Variants in PTPRC observed in about 807,000 individuals in gnomAD.
PTPRC encodes the protein protein tyrosine phosphatase receptor type C, also known as receptor-type tyrosine-protein phosphatase C.
PTPRC carries 44 observed loss-of-function variants against 155.9 expected under a neutral mutation model. The observed-to-expected ratio is 0.28, with a 90% CI of 0.22 to 0.36. PTPRC has a LOEUF of 0.36. Ranked by LOEUF, PTPRC falls within the 10% of genes least tolerant of loss-of-function variation. PTPRC has a pLI of 1.00. For synonymous variants in PTPRC, 525 were observed against 533.1 expected, an observed-to-expected ratio of 0.98 and a Z score of 0.21; for missense variants, 1,401 against 1,564.6, an observed-to-expected ratio of 0.90 and a Z score of 1.76.
chr1:198,686,905 G>T (rs1665653975), intron 2 of PTPRC, among the ~76,000 whole-genome samples: 1 of 152,146 alleles, frequency 6.6e-6, no homozygotes, highest in African/African-American at 2.4e-5. Flanking sequence ...CATTTGTTTT[G>T]CATTGGACAA....
At chr1:198,663,002 G>A (rs1025651717) in intron 2 of PTPRC, among the ~76,000 whole-genome samples, 33 of 152,202 alleles carry the variant, frequency 2.2e-4, no homozygotes, top group Non-Finnish European at 4.4e-4. Flanking sequence ...CCTGGCCAGA[G>A]CAAGAGCTAC....
intron 12 of PTPRC, among the ~76,000 whole-genome samples, chr1:198,716,205 G>A (rs983716733): frequency 9.2e-5 from 14 of 152,236 alleles, no homozygotes; most frequent in South Asian, 6.2e-4. Context: ...AAATTACTAT[G>A]ATAGAATCAA....
intron 11 of PTPRC, among the ~76,000 whole-genome samples, chr1:198,710,310 A>G (rs554133025): frequency 6.6e-6 from 1 of 152,176 alleles, no homozygotes. Context: ...TTTATATGTC[A>G]TACTTACACT....
intron 2 of PTPRC, among the ~76,000 whole-genome samples, chr1:198,662,681 C>A (rs1193295451): frequency 1.3e-5 from 2 of 152,038 alleles, no homozygotes; most frequent in Non-Finnish European, 2.9e-5. Context: ...CTGGATACTC[C>A]TGCCTTTTTC....
At chr1:198,747,799 A>G (rs901944180) in intron 26 of PTPRC, among the ~76,000 whole-genome samples, 6 of 151,926 alleles carry the variant, frequency 3.9e-5, no homozygotes, top group Non-Finnish European at 8.8e-5. Flanking sequence ...ATATAGATCA[A>G]CATCGGTCTA....
chr1:198,715,464 C>A (rs1325230533), intron 12 of PTPRC, among the ~76,000 whole-genome samples: 1 of 151,926 alleles, frequency 6.6e-6, no homozygotes, highest in Non-Finnish European at 1.5e-5. Context: ...ATCTCGTTAA[C>A]TTAATGATGG....
Position 198,716,839 on chromosome 1 carries a change from T to G in PTPRC, c.1449T>G (p.Ala483=). ...AAMCHFTTKS[A]PPSQVWNMTV... ...TGTGTCATTTCACAACTAAAAGTGCTCGTAAGTTATATGTTTTAATGCTTC... is the reference window on the plus strand; with the variant it reads ...TGTGTCATTTCACAACTAAAAGTGCGCGTAAGTTATATGTTTTAATGCTTC... The change falls in exon 13 of 33, where the codon GCT becomes GCG. Residue 483 remains alanine (A), a splice_region_variant and synonymous_variant. Transcript: ENST00000442510. 3 of 1,613,444 alleles carry G rather than the reference T, an allele frequency of 1.9e-6. No homozygotes were observed. The highest frequency in any genetic ancestry group is 2.5e-6 in the Non-Finnish European group (3 of 1,179,826).
chr1:198,747,414 TGAG>T (rs1252765445), intron 26 of PTPRC, among the ~76,000 whole-genome samples: 1 of 151,764 alleles, frequency 6.6e-6, no homozygotes, highest in Admixed American at 6.6e-5. Flanking sequence ...TATGCTATTT[TGAG>T]GAGGTTTGTT....
chr1:198,733,609 A>T (rs1654494662), intron 20 of PTPRC, among the ~76,000 whole-genome samples: 2 of 151,784 alleles, frequency 1.3e-5, no homozygotes, highest in Non-Finnish European at 2.9e-5. Flanking sequence ...ATAATATTTT[A>T]TCTGCCTCTG....
chr1:198,665,404 A>C (rs1338099370), intron 2 of PTPRC, among the ~76,000 whole-genome samples: 1 of 151,962 alleles, frequency 6.6e-6, no homozygotes, highest in African/African-American at 2.4e-5. Flanking sequence ...CATTTTTGTC[A>C]AAGTTGTCAA....
At position 198,752,690 on chromosome 1, in the gene PTPRC, G is replaced by T. The variant is rs747839384; in HGVS notation, c.3427G>T (p.Val1143Phe). 2 of 1,612,866 alleles carry T rather than the reference G, an allele frequency of 1.2e-6. No homozygotes were observed. The highest frequency in any genetic ancestry group is 1.7e-6 in the Non-Finnish European group (2 of 1,179,344). Reference sequence around the variant, plus strand: ...CAAGGAATTAATCTCTATGATTCAGGTCGTCAAACAAAAACTTCCCCAGAA... The same window carrying T: ...CAAGGAATTAATCTCTATGATTCAGTTCGTCAAACAAAAACTTCCCCAGAA... Reference protein sequence around the residue: ...EPKELISMIQVVKQKLPQKNS... With the variant: ...EPKELISMIQFVKQKLPQKNS... The change falls in exon 31 of 33, where the codon GTC becomes TTC. Residue 1143 changes from valine to phenylalanine, a missense_variant. Val to Phe is a conservative substitution (Grantham distance 50). Transcript: ENST00000442510.
chr1:198,669,454 A>G (rs934959110), intron 2 of PTPRC, among the ~76,000 whole-genome samples: 1 of 152,012 alleles, frequency 6.6e-6, no homozygotes, highest in Non-Finnish European at 1.5e-5. Flanking sequence ...TCACAAAACT[A>G]TTTACTTCTT....
chr1:198,680,598 C>G (rs1285299794), intron 2 of PTPRC, among the ~76,000 whole-genome samples: 1 of 151,560 alleles, frequency 6.6e-6, no homozygotes, highest in Non-Finnish European at 1.5e-5. Flanking sequence ...GAAAGAGACA[C>G]ATCAGTGCAT....
intron 15 of PTPRC, among the ~76,000 whole-genome samples, chr1:198,725,409 T>C (rs1287422026): frequency 6.6e-6 from 1 of 152,122 alleles, no homozygotes; most frequent in Non-Finnish European, 1.5e-5. Flanking sequence ...TGCTGATTTA[T>C]TTTTTTCTGA....
chr1:198,712,783 G>C, intron 11 of PTPRC, 170 bp from the exon 12 acceptor site: 1 of 727,636 alleles, frequency 1.4e-6, no homozygotes, highest in South Asian at 1.9e-5. Context: ...CTTTGTTAAA[G>C]GAATTTACTC....
At chr1:198,666,095 C>G (rs1364032386) in intron 2 of PTPRC, among the ~76,000 whole-genome samples, 1 of 151,820 alleles carries the variant, frequency 6.6e-6, no homozygotes, top group African/African-American at 2.4e-5. Context: ...CAAAAATTAG[C>G]TGGGTATAGT....
At chr1:198,750,759 C>CT (rs2102542566) in intron 29 of PTPRC, 133 bp downstream of exon 29, 1 of 1,182,306 alleles carries the variant, frequency 8.5e-7, no homozygotes, top group Non-Finnish European at 1.2e-6. Context: ...TCTGCTCAGT[C>CT]TTACCCCTTT....
intron 7 of PTPRC, 83 bp downstream of exon 7, chr1:198,703,455 C>A: frequency 6.2e-7 from 1 of 1,600,482 alleles, no homozygotes; most frequent in Non-Finnish European, 8.5e-7. Context: ...ACCCACTCTA[C>A]CTCGGGCTCC....
At chr1:198,647,236 A>T (rs1273746669) in intron 2 of PTPRC, among the ~76,000 whole-genome samples, 5 of 151,760 alleles carry the variant, frequency 3.3e-5, no homozygotes. Flanking sequence ...TGCTGTGATG[A>T]TCCTTTGAAT....
Sources: allele counts gnomAD v4.1 joint callset (sites outside exome capture counted in the v4.1 genomes callset), GRCh38; gene constraint gnomAD v4.1.1; transcripts MANE v1.5; gene names NCBI Gene and HGNC (gene_info 2026-07-23, HGNC 2026-07-21).